PPM1L: variants seen among roughly 807,000 people sequenced by gnomAD.
The protein encoded by PPM1L is protein phosphatase 1L.
A neutral mutation model predicts 31.4 loss-of-function variants in PPM1L; 13 were observed. That is an observed-to-expected ratio of 0.41 (90% CI 0.27 to 0.66). PPM1L has a LOEUF of 0.66. PPM1L is among the 30% of genes least tolerant of loss of function. PPM1L has a pLI of 0.29. For missense variants in PPM1L, 326 were observed against 453.7 expected (o/e 0.72, Z 2.56); for synonymous variants, 184 against 175.4 (o/e 1.05, Z -0.39).
chr3:160,925,488 A>G (rs899451099), intron 1 of PPM1L, among the ~76,000 whole-genome samples: 3 of 152,128 alleles, frequency 2.0e-5, no homozygotes, highest in African/African-American at 4.8e-5. Flanking sequence ...CAAAATTTAG[A>G]GTCTTGGATT....
intron 1 of PPM1L, among the ~76,000 whole-genome samples, chr3:160,799,119 G>A (rs780507823): frequency 5.3e-5 from 8 of 152,206 alleles, no homozygotes; most frequent in Non-Finnish European, 1.0e-4. Flanking sequence ...TTCTTGAAAT[G>A]GGATCTATCC....
In PPM1L at chr3:160,773,855, C is replaced by T. The variant is rs141065277; in HGVS notation, c.399+17148C>T. On this transcript the variant is annotated intron_variant, in intron 1 of 3. Coordinates refer to ENST00000498165, the MANE Select transcript of PPM1L (RefSeq NM_139245.4). Reference sequence around the variant, plus strand: ...ACCACCTCTCTTCCAGAGACTCACCCCCTTGGTTTTAATGACACCACCTAT... The same window carrying T: ...ACCACCTCTCTTCCAGAGACTCACCTCCTTGGTTTTAATGACACCACCTAT... Among the ~76,000 whole-genome samples, 871 of 152,050 alleles carry T rather than the reference C, an allele frequency of 5.7e-3. 12 individuals are homozygous for T. Among genetic ancestry groups the T allele is most frequent in the African/African-American group, 0.02 (811 of 41,474 alleles).
rs1194338749 is a variant in PPM1L at position 160,756,809 on chromosome 3, T to C, written c.399+102T>C. On this transcript the variant is annotated intron_variant, in intron 1 of 3. Coordinates refer to ENST00000498165, the MANE Select transcript of PPM1L (RefSeq NM_139245.4). This position sits in a 1 kb window ranked among gnomAD's most constrained non-coding sequence, Gnocchi z 6.2. ...TGTGTGTATAAACAACAGGACAGCG[T>C]GTGCGCAGCGGGAGAGGATCTGGGT... 9 of 1,214,474 alleles carry C rather than the reference T, an allele frequency of 7.4e-6. No homozygotes were observed. Among genetic ancestry groups the C allele is most frequent in the Non-Finnish European group, 1.0e-5 (9 of 890,794 alleles). The allele number at this position is 1,214,474 out of a possible 1,614,324, so 75.2% of individuals were successfully genotyped here.
chr3:161,069,350 G>A lies in PPM1L; in HGVS notation c.*193G>A. ...CTTGGCCAATGTAGTTAAGAAACTGGAAAATGGTTTCTTCATGTTTTCCCA... is the reference window on the plus strand; with the variant it reads ...CTTGGCCAATGTAGTTAAGAAACTGAAAAATGGTTTCTTCATGTTTTCCCA... On this transcript the variant is annotated 3_prime_UTR_variant, in exon 4 of 4. Transcript: ENST00000498165. The A allele has an allele frequency of 1.7e-6, 1 of 575,322 alleles. No individual in the cohort carries two copies. Among genetic ancestry groups the A allele is most frequent in the Non-Finnish European group, 3.0e-6 (1 of 328,486 alleles). 35.6% of individuals were successfully genotyped at this position (575,322 alleles called of 1,614,324 possible).
intron 1 of PPM1L, among the ~76,000 whole-genome samples, chr3:160,790,873 G>A (rs1005384274): frequency 6.6e-6 from 1 of 152,106 alleles, no homozygotes; most frequent in African/African-American, 2.4e-5. Flanking sequence ...AAGTATGTAT[G>A]TTTGACGTGG....
intron 1 of PPM1L, among the ~76,000 whole-genome samples, chr3:160,777,462 T>C (rs1711595990): frequency 6.6e-6 from 1 of 152,212 alleles, no homozygotes; most frequent in Admixed American, 6.5e-5. Context: ...GCAATAGCTA[T>C]CTAGAAGTTT....
intron 1 of PPM1L, among the ~76,000 whole-genome samples, chr3:160,835,387 C>T (rs894200017): frequency 2.0e-5 from 3 of 151,884 alleles, no homozygotes; most frequent in African/African-American, 7.3e-5. Context: ...CTGTAAGAGC[C>T]AGTCATAGGG....
At chr3:160,759,628 T>G (rs1409107359) in intron 1 of PPM1L, among the ~76,000 whole-genome samples, 3 of 152,158 alleles carry the variant, frequency 2.0e-5, no homozygotes, top group Non-Finnish European at 4.4e-5. Flanking sequence ...TTCAGTCTAG[T>G]GAGAGAGATA....
intron 2 of PPM1L, among the ~76,000 whole-genome samples, chr3:160,980,587 G>T (rs1218302919): frequency 6.6e-6 from 1 of 151,998 alleles, no homozygotes; most frequent in African/African-American, 2.4e-5. Context: ...AGGATCGCTT[G>T]AGCCCTGGAG....
intron 1 of PPM1L, among the ~76,000 whole-genome samples, chr3:160,878,954 C>G (rs1315298396): frequency 3.3e-5 from 5 of 152,198 alleles, no homozygotes; most frequent in Admixed American, 3.3e-4. Flanking sequence ...CATGACTAAG[C>G]TCCAAACATT....
At chr3:160,869,718 ATG>A (rs10663764) in intron 1 of PPM1L, among the ~76,000 whole-genome samples, 58,348 of 150,250 alleles carry the variant, frequency 0.39, 12,920 homozygotes, top group Non-Finnish European at 0.52. Flanking sequence ...GGTGCAATGT[ATG>A]TGTGTGTGTG....
intron 3 of PPM1L, among the ~76,000 whole-genome samples, chr3:161,066,755 G>A (rs910228547): frequency 1.3e-5 from 2 of 152,126 alleles, no homozygotes; most frequent in African/African-American, 4.8e-5. Context: ...CTTGCTGTCT[G>A]GGTTAATCTG....
At chr3:160,769,875 C>T (rs1715203783) in intron 1 of PPM1L, among the ~76,000 whole-genome samples, 1 of 151,982 alleles carries the variant, frequency 6.6e-6, no homozygotes, top group East Asian at 1.9e-4. Context: ...ATTTTTGTAC[C>T]CATTTCGGAG....
intron 2 of PPM1L, among the ~76,000 whole-genome samples, chr3:160,980,917 C>T (rs1334783385): frequency 7.9e-5 from 12 of 152,060 alleles, no homozygotes; most frequent in Admixed American, 2.0e-4. Context: ...TGTTACATGA[C>T]GTAGCATGTA....
intron 1 of PPM1L, among the ~76,000 whole-genome samples, chr3:160,762,907 A>G (rs186976482): frequency 2.0e-4 from 31 of 152,282 alleles, no homozygotes; most frequent in African/African-American, 7.0e-4. Context: ...TTGATATACT[A>G]AACTTATTTT....
intron 1 of PPM1L, among the ~76,000 whole-genome samples, chr3:160,820,351 T>A (rs1713157948): frequency 6.6e-6 from 1 of 152,118 alleles, no homozygotes; most frequent in Non-Finnish European, 1.5e-5. Context: ...TATTTCAGAT[T>A]TAAAATTTTG....
intron 1 of PPM1L, among the ~76,000 whole-genome samples, chr3:160,829,654 C>T (rs1252661241): frequency 6.6e-6 from 1 of 152,192 alleles, no homozygotes. Context: ...TAACTCCCTT[C>T]TCATCCTGCA....
chr3:160,783,614 AG>A lies in PPM1L; in HGVS notation c.399+26908del, dbSNP rs1264180438. Among the ~76,000 whole-genome samples the A allele has an allele frequency of 5.3e-3, 764 of 145,196 alleles. 7 individuals are homozygous for A. Among genetic ancestry groups the A allele is most frequent in the African/African-American group, 0.02 (743 of 37,368 alleles). On this transcript the variant is annotated intron_variant, in intron 1 of 3. Transcript: ENST00000498165. ...AAACTCCATCTCAAAAAAAAAAAAAAGAAAAAGAAAGAAAGAAAGAAAGAAA... is the reference window on the plus strand; with the variant it reads ...AAACTCCATCTCAAAAAAAAAAAAAAAAAAAGAAAGAAAGAAAGAAAGAAA...
chr3:160,832,272 C>T (rs928803821), intron 1 of PPM1L, among the ~76,000 whole-genome samples: 1 of 152,066 alleles, frequency 6.6e-6, no homozygotes, highest in Non-Finnish European at 1.5e-5. Flanking sequence ...ATGGGGAACT[C>T]AGGCCAGGCA....
Sources: allele counts gnomAD v4.1 joint callset (sites outside exome capture counted in the v4.1 genomes callset), GRCh38; gene constraint gnomAD v4.1.1; non-coding constraint Gnocchi (gnomAD v3.1); transcripts MANE v1.5; gene names NCBI Gene and HGNC (gene_info 2026-07-23, HGNC 2026-07-21).